Variants in BMP6 observed in about 807,000 individuals in gnomAD.
BMP6 encodes VG-1-R.
Under a neutral mutation model 54.1 loss-of-function variants are expected in BMP6, and 17 were observed. The observed-to-expected ratio is 0.31, with a 90% CI of 0.22 to 0.47. The LOEUF (loss-of-function observed/expected upper bound fraction) is 0.47, where lower values mean the gene tolerates loss of function less well. Ranked by LOEUF, BMP6 falls within the 20% of genes least tolerant of loss-of-function variation. BMP6 has a pLI of 1.00. For missense variants in BMP6, 720 were observed against 690.4 expected (o/e 1.04, Z -0.48); for synonymous variants, 328 against 291.2 (o/e 1.13, Z -1.28).
chr6:7,839,204 GC>G (rs1758925270), intron 1 of BMP6, among the ~76,000 whole-genome samples: 1 of 152,136 alleles, frequency 6.6e-6, no homozygotes, highest in African/African-American at 2.4e-5. Context: ...TCACTCTGTT[GC>G]CCAGGCTGGA....
chr6:7,810,629 T>C (rs957723396), intron 1 of BMP6, among the ~76,000 whole-genome samples: 7 of 152,242 alleles, frequency 4.6e-5, no homozygotes, highest in Non-Finnish European at 8.8e-5. Flanking sequence ...TGGAAGCTTA[T>C]GAAGTGTGAA....
chr6:7,854,843 C>T (rs982247375), intron 2 of BMP6, among the ~76,000 whole-genome samples: 2 of 152,104 alleles, frequency 1.3e-5, no homozygotes, highest in Admixed American at 6.5e-5. Flanking sequence ...TGACAAACTC[C>T]GCACTTGATC....
intron 1 of BMP6, among the ~76,000 whole-genome samples, chr6:7,733,958 T>A (rs1232867989): frequency 1.3e-5 from 2 of 150,276 alleles, no homozygotes; most frequent in Non-Finnish European, 2.9e-5. Flanking sequence ...AGAACCTGCA[T>A]TCCCCCTGTT....
intron 2 of BMP6, among the ~76,000 whole-genome samples, chr6:7,856,843 G>T (rs896932691): frequency 8.6e-5 from 13 of 151,740 alleles, no homozygotes; most frequent in Admixed American, 2.6e-4. Context: ...TGATCCGCCC[G>T]CCTCGGCCTC....
intron 2 of BMP6, 55 bp downstream of exon 2, chr6:7,845,387 T>A (rs952211313): frequency 1.3e-6 from 2 of 1,511,500 alleles, no homozygotes; most frequent in Non-Finnish European, 1.8e-6. Flanking sequence ...TTCCCACCTT[T>A]TGTCATGACA....
chr6:7,727,543 C>T lies in BMP6; in HGVS notation c.588C>T (p.Gly196=). The part of the protein sequence containing the change: ...SLLAPGSGSG[G]ASPLTSAQDS... Reference sequence around the variant, plus strand: ...TGGCCCCCGGATCTGGCAGCGGCGGCGCGTCCCCACTGACCAGCGCGCAGG... The same window carrying T: ...TGGCCCCCGGATCTGGCAGCGGCGGTGCGTCCCCACTGACCAGCGCGCAGG... Residue 196 remains glycine, a synonymous_variant, in exon 1 of 7, where the codon GGC becomes GGT. Coordinates refer to ENST00000283147, the MANE Select transcript of BMP6 (RefSeq NM_001718.6). The T allele has an allele frequency of 6.3e-7, 1 of 1,594,286 alleles. No individual in the cohort carries two copies. The highest frequency in any genetic ancestry group is 1.7e-5 in the Admixed American group (1 of 59,562).
chr6:7,860,694 G>A (rs1340166986), intron 2 of BMP6, among the ~76,000 whole-genome samples: 1 of 151,608 alleles, frequency 6.6e-6, no homozygotes, highest in Non-Finnish European at 1.5e-5. Flanking sequence ...ATCCACCCTC[G>A]GCTACACAGT....
intron 3 of BMP6, 36 bp downstream of exon 3, chr6:7,861,635 A>G (rs757327905): frequency 2.5e-6 from 4 of 1,611,616 alleles, no homozygotes; most frequent in Non-Finnish European, 3.4e-6. Context: ...ACGTCCAGCA[A>G]GTCATCAGTT....
intron 1 of BMP6, among the ~76,000 whole-genome samples, chr6:7,796,454 C>G (rs1758191962): frequency 6.6e-6 from 1 of 152,248 alleles, no homozygotes; most frequent in African/African-American, 2.4e-5. Flanking sequence ...CACACTGTTG[C>G]ATTAAGCATG....
At chr6:7,820,440 CT>C (rs1758588711) in intron 1 of BMP6, among the ~76,000 whole-genome samples, 1 of 152,332 alleles carries the variant, frequency 6.6e-6, no homozygotes, top group East Asian at 1.9e-4. Flanking sequence ...GCTCTCGGGA[CT>C]TGCTGATGAC....
intron 2 of BMP6, among the ~76,000 whole-genome samples, chr6:7,856,212 C>T (rs1759230566): frequency 6.7e-6 from 1 of 149,614 alleles, no homozygotes; most frequent in Admixed American, 6.7e-5. Flanking sequence ...ATGTATGCAG[C>T]AGTTTACTCT....
At chr6:7,817,048 T>G (rs6902931) in intron 1 of BMP6, among the ~76,000 whole-genome samples, 2,256 of 152,302 alleles carry the variant, frequency 0.015, 66 homozygotes, top group African/African-American at 0.052. Flanking sequence ...GTCCTCACCT[T>G]CTCATCACCA....
chr6:7,793,893 T>C (rs1317053518), intron 1 of BMP6, among the ~76,000 whole-genome samples: 2 of 152,218 alleles, frequency 1.3e-5, no homozygotes, highest in African/African-American at 4.8e-5. Flanking sequence ...TGCCTGCTGA[T>C]GTGTCTGTGT....
At chr6:7,870,744 C>T (rs1021403633) in intron 4 of BMP6, among the ~76,000 whole-genome samples, 3 of 152,248 alleles carry the variant, frequency 2.0e-5, no homozygotes, top group Non-Finnish European at 4.4e-5. Flanking sequence ...TCTCCTGCCT[C>T]GGCCTCCCGA....
intron 1 of BMP6, among the ~76,000 whole-genome samples, chr6:7,820,651 A>C (rs1031535260): frequency 6.6e-6 from 1 of 152,200 alleles, no homozygotes; most frequent in Non-Finnish European, 1.5e-5. Flanking sequence ...GCAGGTGAGC[A>C]TGCCCTGGGT....
chr6:7,862,150 C>G, intron 3 of BMP6, 151 bp from the exon 4 acceptor site: 2 of 910,322 alleles, frequency 2.2e-6, no homozygotes, highest in Non-Finnish European at 3.4e-6. Flanking sequence ...CCCATGGGTG[C>G]CAGGCAAGGT....
rs554388379 is a variant in BMP6, at chr6:7,780,098, A to G, written c.664+52479A>G. Among the ~76,000 whole-genome samples, 3 of 152,242 alleles carry G rather than the reference A, an allele frequency of 2.0e-5. No homozygotes were observed. In the South Asian group the frequency reaches 6.2e-4, roughly 32 times the overall value. On this transcript the variant is annotated intron_variant, in intron 1 of 6. Coordinates refer to ENST00000283147, the MANE Select transcript of BMP6 (RefSeq NM_001718.6). ...ACTCATTTATTTCCGTGCTTCCCTC[A>G]CTTCACTGTAGTGCTCATTTGTCCA...
chr6:7,763,954 T>C (rs1470330745), intron 1 of BMP6, among the ~76,000 whole-genome samples: 1 of 152,150 alleles, frequency 6.6e-6, no homozygotes, highest in Admixed American at 6.5e-5. Context: ...GGATCAAGCG[T>C]ATGTGTCCTG....
chr6:7,788,979 C>G (rs1045226909), intron 1 of BMP6, among the ~76,000 whole-genome samples: 1 of 151,876 alleles, frequency 6.6e-6, no homozygotes, highest in African/African-American at 2.4e-5. Flanking sequence ...GAGCTTTTTC[C>G]TCCAGCTTTA....
Sources: allele counts gnomAD v4.1 joint callset (sites outside exome capture counted in the v4.1 genomes callset), GRCh38; gene constraint gnomAD v4.1.1; transcripts MANE v1.5; gene names NCBI Gene and HGNC (gene_info 2026-07-23, HGNC 2026-07-21).